EXOC7: variants seen among roughly 807,000 people sequenced by gnomAD.
EXOC7 encodes the protein exocyst complex component 7.
EXOC7 carries 51 observed loss-of-function variants against 87.6 expected under a neutral mutation model. The ratio of observed to expected loss-of-function variants is 0.58; its 90% CI spans 0.46 to 0.73. EXOC7 has a LOEUF of 0.73. EXOC7 is among the 30% of genes least tolerant of loss of function. The pLI is 0.00. For synonymous variants in EXOC7, 327 were observed against 357.1 expected, an observed-to-expected ratio of 0.92 and a Z score of 0.95; for missense variants, 744 against 888.4, an observed-to-expected ratio of 0.84 and a Z score of 2.07.
chr17:76,099,421 C>T (rs541626644), intron 4 of EXOC7, among the ~76,000 whole-genome samples: 10 of 152,156 alleles, frequency 6.6e-5, no homozygotes, highest in African/African-American at 2.4e-4. Context: ...ACAGGAGAAT[C>T]GCTTGAACCC....
chr17:76,091,014 G>C (rs1164806249), intron 7 of EXOC7, 129 bp downstream of exon 7: 1 of 771,422 alleles, frequency 1.3e-6, no homozygotes, highest in Non-Finnish European at 2.3e-6. Context: ...TGGCATCGGG[G>C]ACCTGCCGTT....
At chr17:76,092,753 G>T (rs1016514801) in intron 6 of EXOC7, 1 of 152,188 alleles carries the variant, frequency 6.6e-6, no homozygotes, top group Admixed American at 6.5e-5. Context: ...CAGGATGTGG[G>T]TCGCCGATGT....
In EXOC7 at chr17:76,081,750, TG is replaced by T; in HGVS notation, c.*1897del. On this transcript the variant is annotated 3_prime_UTR_variant, in exon 19 of 19. Coordinates refer to ENST00000589210, the MANE Select transcript of EXOC7 (RefSeq NM_001013839.4). ...CCCAGCTCCTCCTCCTGCAACCCACTGCTCAGTAAGCCCTGCTCCCTTACCC... is the reference window on the plus strand; with the variant it reads ...CCCAGCTCCTCCTCCTGCAACCCACTCTCAGTAAGCCCTGCTCCCTTACCC... The T allele has an allele frequency of 6.2e-7, 1 of 1,614,028 alleles. No homozygotes were observed. The highest frequency in any genetic ancestry group is 8.5e-7 in the Non-Finnish European group (1 of 1,179,960).
chr17:76,099,531 C>A (rs376533413), intron 4 of EXOC7, among the ~76,000 whole-genome samples: 7 of 151,932 alleles, frequency 4.6e-5, no homozygotes, highest in East Asian at 3.9e-4. Flanking sequence ...AAACAAAAAA[C>A]CAAAAAAAGA....
In EXOC7 at chr17:76,083,681, G is replaced by A. The variant is rs1348214877; in HGVS notation, c.2022C>T (p.Asp674=). Residue 674 remains aspartate (D), a synonymous_variant, in exon 19 of 19, where the codon GAC becomes GAT. Coordinates refer to ENST00000589210, the MANE Select transcript of EXOC7 (RefSeq NM_001013839.4). The part of the protein sequence containing the change: ...YIKYGVEQVG[D]MIDRLFDTSA ...AGGTGTCGAAAAGGCGATCGATCATGTCGCCCACCTGCTCCACCCCGTACT... is the reference window on the plus strand; with the variant it reads ...AGGTGTCGAAAAGGCGATCGATCATATCGCCCACCTGCTCCACCCCGTACT... The A allele has an allele frequency of 6.8e-6, 11 of 1,613,868 alleles. No homozygotes were observed. The highest frequency in any genetic ancestry group is 2.7e-5 in the African/African-American group (2 of 75,058).
chr17:76,087,622 G>A lies in EXOC7; in HGVS notation c.1429+32C>T, dbSNP rs1247914103. The A allele has an allele frequency of 2.4e-5, 37 of 1,548,172 alleles. No individual in the cohort carries two copies. The East Asian group carries it at 9.0e-4, about 38-fold the overall frequency. ...ATGTCTCCAGGCAAGGAGGCGAGTGGGGCAGGGGGCCCAACTGGGAGGTAC... is the reference window on the plus strand; with the variant it reads ...ATGTCTCCAGGCAAGGAGGCGAGTGAGGCAGGGGGCCCAACTGGGAGGTAC... On this transcript the variant is annotated intron_variant, in intron 12 of 18. Coordinates refer to ENST00000589210, the MANE Select transcript of EXOC7 (RefSeq NM_001013839.4).
intron 14 of EXOC7, 130 bp downstream of exon 14, chr17:76,085,547 G>A (rs750143868): frequency 2.0e-6 from 3 of 1,527,944 alleles, no homozygotes; most frequent in Non-Finnish European, 1.8e-6. Flanking sequence ...CGGGTCCTGG[G>A]GTGGAGGAGA....
At chr17:76,089,091 G>A (rs1330053563) in intron 8 of EXOC7, 84 bp downstream of exon 8, 12 of 1,581,670 alleles carry the variant, frequency 7.6e-6, no homozygotes, top group African/African-American at 1.3e-5. Context: ...AGGTGGTGGT[G>A]GTGGGTGGAG....
intron 11 of EXOC7, 100 bp downstream of exon 11, chr17:76,087,960 G>A (rs1177752721): frequency 1.4e-6 from 2 of 1,401,938 alleles, no homozygotes. Context: ...AGCGGCTCTG[G>A]GCCAGGCTGA....
Position 76,086,089 on chromosome 17 carries a change from T to C in EXOC7, c.1486A>G (p.Thr496Ala). ...SSEFSKRLLS[T>A]YICKVLGNLQ... ...CCGGGAGAACACTCACAGATATAGGTGCTTAGCAGCCGCTTGCTGAACTCA... is the reference window on the plus strand; with the variant it reads ...CCGGGAGAACACTCACAGATATAGGCGCTTAGCAGCCGCTTGCTGAACTCA... Residue 496 changes from threonine to alanine, a missense_variant, in exon 13 of 19, where the codon ACC becomes GCC. This residue lies in a region of EXOC7 where 228 missense variants were observed against 298.6 expected (regional missense o/e 0.76). Coordinates refer to ENST00000589210, the MANE Select transcript of EXOC7 (RefSeq NM_001013839.4). 1.9e-6 allele frequency: 3 copies of C among 1,613,742 alleles called. No individual in the cohort carries two copies. The highest frequency in any genetic ancestry group is 2.5e-6 in the Non-Finnish European group (3 of 1,180,016).
chr17:76,081,466 G>C lies in EXOC7; in HGVS notation c.*2182C>G. 1 of 1,610,708 alleles carries C rather than the reference G, an allele frequency of 6.2e-7. No individual in the cohort carries two copies. Among genetic ancestry groups the C allele is most frequent in the Middle Eastern group, 1.7e-4 (1 of 6,046 alleles). On this transcript the variant is annotated 3_prime_UTR_variant, in exon 19 of 19. Coordinates refer to ENST00000589210, the MANE Select transcript of EXOC7 (RefSeq NM_001013839.4). ...GAGGCGGGTGGGAGTGAGGATGCACGGCCAGAGGCCAGGCCCCATGCCCCC... is the reference window on the plus strand; with the variant it reads ...GAGGCGGGTGGGAGTGAGGATGCACCGCCAGAGGCCAGGCCCCATGCCCCC...
At chr17:76,102,766 C>A (rs963032726) in intron 2 of EXOC7, among the ~76,000 whole-genome samples, 10 of 152,178 alleles carry the variant, frequency 6.6e-5, no homozygotes, top group Non-Finnish European at 1.5e-4. Context: ...CTATTGTATA[C>A]CAGGCACTGT....
At position 76,097,216 on chromosome 17, in the gene EXOC7, T is replaced by C. The variant is rs970382145; in HGVS notation, c.640+580A>G. On this transcript the variant is annotated intron_variant, in intron 5 of 18. Coordinates refer to ENST00000589210, the MANE Select transcript of EXOC7 (RefSeq NM_001013839.4). ...GCATCAGGGAATGGGAGATGGACTT[T>C]TACTTTTCACCCATGGCTTTGAAAA... Among the ~76,000 whole-genome samples, 5 of 152,144 alleles carry C rather than the reference T, an allele frequency of 3.3e-5. No homozygotes were observed. In the East Asian group the frequency reaches 5.8e-4, roughly 18 times the overall value.
intron 4 of EXOC7, among the ~76,000 whole-genome samples, chr17:76,100,729 A>C (rs2144702400): frequency 6.6e-6 from 1 of 152,332 alleles, no homozygotes; most frequent in South Asian, 2.1e-4. Flanking sequence ...GCAATGGCTC[A>C]CGCCTGTAAT....
chr17:76,081,167 G>A lies in EXOC7; in HGVS notation c.*2481C>T, dbSNP rs1294229308. ...CGGTTTTGTGTCCAAGTCTGTCCCT[G>A]CCAAAAGCCATCAAAAGTCTCCATC... On this transcript the variant is annotated 3_prime_UTR_variant, in exon 19 of 19. Transcript: ENST00000589210. The A allele has an allele frequency of 1.1e-5, 16 of 1,485,150 alleles. No individual in the cohort carries two copies. The highest frequency in any genetic ancestry group is 1.5e-5 in the Non-Finnish European group (16 of 1,094,866). 92.0% of individuals were successfully genotyped at this position (1,485,150 alleles called of 1,614,324 possible). A position where few individuals can be genotyped will look rare whatever the true frequency, so the allele number is the denominator to read the frequency against.
chr17:76,082,063 G>A lies in EXOC7; in HGVS notation c.*1585C>T. On this transcript the variant is annotated 3_prime_UTR_variant, in exon 19 of 19. Coordinates refer to ENST00000589210, the MANE Select transcript of EXOC7 (RefSeq NM_001013839.4). The stretch of plus-strand genomic sequence containing the variant: ...ATCCTGCTGAAGGTGGGCAGGGGCT[G>A]GGGGGTAAGGAATGAGGCCTAGGTG... 6.3e-7 allele frequency: 1 copy of A among 1,590,322 alleles called. No individual in the cohort carries two copies.
intron 12 of EXOC7, chr17:76,087,279 C>A: frequency 2.6e-6 from 1 of 388,204 alleles, no homozygotes. Context: ...CCCTGAGACA[C>A]TTGCTACCCT....
At position 76,096,243 on chromosome 17, in the gene EXOC7, G is replaced by A. The variant is rs558981337; in HGVS notation, c.640+1553C>T. On this transcript the variant is annotated intron_variant, in intron 5 of 18. Coordinates refer to ENST00000589210, the MANE Select transcript of EXOC7 (RefSeq NM_001013839.4). Reference sequence around the variant, plus strand: ...AAAAAGTGCAACATTGCCAGGCGAGGTGGCTCATGCCTGCAATCCCAGAAC... The same window carrying A: ...AAAAAGTGCAACATTGCCAGGCGAGATGGCTCATGCCTGCAATCCCAGAAC... 5.3e-5 allele frequency among the ~76,000 whole-genome samples: 8 copies of A among 152,282 alleles called. No individual in the cohort carries two copies. The South Asian group carries it at 1.7e-3, about 32-fold the overall frequency.
chr17:76,093,525 G>A (rs1242498733), intron 6 of EXOC7: 1 of 152,750 alleles, frequency 6.5e-6, no homozygotes, highest in African/African-American at 2.4e-5. Context: ...GTTGTCATAA[G>A]CAGGTGCCAC....
Sources: allele counts gnomAD v4.1 joint callset (sites outside exome capture counted in the v4.1 genomes callset), GRCh38; gene constraint gnomAD v4.1.1; regional missense constraint gnomAD v4.1.1; transcripts MANE v1.5; gene names NCBI Gene and HGNC (gene_info 2026-07-23, HGNC 2026-07-21).